The following ITSN2 variants were observed in gnomAD, a reference collection of about 807,000 sequenced individuals.
ITSN2 encodes the protein intersectin-2.
A neutral mutation model predicts 243.7 loss-of-function variants in ITSN2; 156 were observed. The observed-to-expected ratio is 0.64, with a 90% confidence interval of 0.56 to 0.73. ITSN2 has a LOEUF of 0.73. ITSN2 is among the 30% of genes least tolerant of loss of function. The pLI is 0.00. For missense variants in ITSN2, 1,801 were observed against 1,996.1 expected (o/e 0.90, Z 1.86); for synonymous variants, 703 against 699.9 (o/e 1.00, Z -0.07).
At chr2:24,342,667 G>A (rs181319229) in intron 1 of ITSN2, among the ~76,000 whole-genome samples, 3 of 151,348 alleles carry the variant, frequency 2.0e-5, no homozygotes, top group African/African-American at 7.3e-5. Flanking sequence ...AATCAGCTTA[G>A]GCCCTACACA....
At chr2:24,333,814 T>C (rs543467900) in intron 1 of ITSN2, among the ~76,000 whole-genome samples, 2 of 152,284 alleles carry the variant, frequency 1.3e-5, no homozygotes, top group African/African-American at 4.8e-5. Context: ...AATCCTGCTT[T>C]TACAAACGGT....
intron 1 of ITSN2, among the ~76,000 whole-genome samples, chr2:24,356,999 C>T (rs1574421784): frequency 6.6e-6 from 1 of 151,904 alleles, no homozygotes; most frequent in African/African-American, 2.4e-5. Flanking sequence ...AAGTCTGTGG[C>T]GAAATGGAAC....
At chr2:24,286,797 T>C (rs749848350) in intron 15 of ITSN2, among the ~76,000 whole-genome samples, 11 of 152,180 alleles carry the variant, frequency 7.2e-5, no homozygotes, top group East Asian at 1.9e-4. Flanking sequence ...CAGGGAAATA[T>C]TCACAGCAAA....
At chr2:24,280,260 A>C (rs942479891) in intron 17 of ITSN2, among the ~76,000 whole-genome samples, 2 of 152,158 alleles carry the variant, frequency 1.3e-5, no homozygotes, top group Non-Finnish European at 2.9e-5. Context: ...CCGGTGCTCT[A>C]CTATCACAAA....
chr2:24,350,556 T>C (rs757301437), intron 1 of ITSN2, among the ~76,000 whole-genome samples: 1 of 151,996 alleles, frequency 6.6e-6, no homozygotes, highest in African/African-American at 2.4e-5. Flanking sequence ...AGCCAAAAAG[T>C]AGAAGCAACC....
chr2:24,339,478 A>T (rs1278271071), intron 1 of ITSN2, among the ~76,000 whole-genome samples: 2 of 152,054 alleles, frequency 1.3e-5, no homozygotes, highest in African/African-American at 2.4e-5. Flanking sequence ...CTCAAAAAAA[A>T]AAAAAAAAAG....
intron 32 of ITSN2, among the ~76,000 whole-genome samples, chr2:24,213,492 C>G (rs1483474781): frequency 6.6e-6 from 1 of 152,160 alleles, no homozygotes; most frequent in Admixed American, 6.5e-5. Context: ...TTAAATTGCC[C>G]CCCTTTTGTT....
intron 20 of ITSN2, among the ~76,000 whole-genome samples, chr2:24,269,902 C>A (rs1201210642): frequency 6.6e-6 from 1 of 152,186 alleles, no homozygotes; most frequent in Non-Finnish European, 1.5e-5. Context: ...AACCTCTCCC[C>A]CTGCTCGGGC....
At chr2:24,272,459 T>C (rs1677487766) in intron 18 of ITSN2, among the ~76,000 whole-genome samples, 2 of 141,840 alleles carry the variant, frequency 1.4e-5, no homozygotes, top group African/African-American at 5.4e-5. Flanking sequence ...AGAGAGAGGG[T>C]CTTACTCTAT....
intron 8 of ITSN2, among the ~76,000 whole-genome samples, chr2:24,308,088 T>C (rs191817825): frequency 1.8e-4 from 27 of 152,356 alleles, no homozygotes; most frequent in African/African-American, 6.5e-4. Context: ...ATGTCTCCTT[T>C]GCTGTTCTCA....
At chr2:24,268,984 A>C (rs1024975702) in intron 20 of ITSN2, among the ~76,000 whole-genome samples, 4 of 152,006 alleles carry the variant, frequency 2.6e-5, no homozygotes, top group African/African-American at 9.7e-5. Context: ...TGCTAATCTA[A>C]TAATTTTTTT....
intron 29 of ITSN2, chr2:24,221,607 G>A (rs1464565638): frequency 2.0e-5 from 3 of 152,338 alleles, no homozygotes; most frequent in African/African-American, 7.2e-5. Flanking sequence ...TTAAAAAAAT[G>A]TTTGAGAAAC....
chr2:24,355,329 T>C (rs1688349050), intron 1 of ITSN2, among the ~76,000 whole-genome samples: 1 of 152,210 alleles, frequency 6.6e-6, no homozygotes, highest in Admixed American at 6.5e-5. Flanking sequence ...TGGAATCCTG[T>C]CTTTAAAATC....
intron 22 of ITSN2, among the ~76,000 whole-genome samples, chr2:24,259,628 T>C (rs1675547080): frequency 6.6e-6 from 1 of 152,220 alleles, no homozygotes; most frequent in Non-Finnish European, 1.5e-5. Context: ...ACAATGCTTG[T>C]TTCCTGCAAA....
In ITSN2 at chr2:24,300,133, C is replaced by A; in HGVS notation, c.1120G>T (p.Gly374Trp). The part of the protein sequence containing the change: ...EDKRKANYER[G>W]NMELEKRRQA... ...CGTCGCTTTTCCAGCTCCATGTTCC[C>A]TCGCTCATAGTTGGCTTTCCGTTTG... Residue 374 changes from glycine to tryptophan, a missense_variant, in exon 12 of 40, where the codon GGG (glycine) becomes TGG (tryptophan). Around this residue, in one of 5 missense-constraint regions of ITSN2, gnomAD observed 787 missense variants for 803.9 expected, o/e 0.98. Coordinates refer to ENST00000355123, the MANE Select transcript of ITSN2 (RefSeq NM_006277.3). The A allele has an allele frequency of 6.2e-7, 1 of 1,614,158 alleles. No individual in the cohort carries two copies. Among genetic ancestry groups the A allele is most frequent in the Non-Finnish European group, 8.5e-7 (1 of 1,180,042 alleles).
At chr2:24,238,728 T>G (rs928478189) in intron 29 of ITSN2, among the ~76,000 whole-genome samples, 1 of 152,218 alleles carries the variant, frequency 6.6e-6, no homozygotes, top group African/African-American at 2.4e-5. Flanking sequence ...GAGATACATA[T>G]GATTATCTCC....
chr2:24,307,754 C>G (rs1485607463), intron 8 of ITSN2, among the ~76,000 whole-genome samples: 1 of 152,200 alleles, frequency 6.6e-6, no homozygotes, highest in Non-Finnish European at 1.5e-5. Flanking sequence ...CCCTGGACTC[C>G]TATTTCACAG....
intron 2 of ITSN2, chr2:24,321,800 T>C (rs911596899): frequency 6.6e-6 from 1 of 152,182 alleles, no homozygotes; most frequent in African/African-American, 2.4e-5. Flanking sequence ...ATGACAAAGA[T>C]GGAAGCAGCT....
Position 24,300,154 on chromosome 2 carries a change from G to A in ITSN2, c.1099C>T (p.Arg367Trp), listed in dbSNP as rs779962692. Residue 367 changes from arginine (R) to tryptophan (W), a missense_variant, in exon 12 of 40, where the codon CGG (arginine) becomes TGG (tryptophan). Physicochemically the swap from Arg to Trp is moderately radical, Grantham distance 101. Transcript: ENST00000355123. ...TTCCCTCGCTCATAGTTGGCTTTCC[G>A]TTTGTCCTCAAAAGTAACTGAACAA... ...KKLPVTFEDKRKANYERGNME... is the reference protein window; with the variant it reads ...KKLPVTFEDKWKANYERGNME... The A allele has an allele frequency of 1.5e-5, 25 of 1,613,918 alleles. No individual in the cohort carries two copies. The highest frequency in any genetic ancestry group is 1.5e-4 in the South Asian group (14 of 91,084).
Sources: allele counts gnomAD v4.1 joint callset (sites outside exome capture counted in the v4.1 genomes callset), GRCh38; gene constraint gnomAD v4.1.1; regional missense constraint gnomAD v4.1.1; transcripts MANE v1.5; gene names NCBI Gene and HGNC (gene_info 2026-07-23, HGNC 2026-07-21).